ZNF519: variants seen among roughly 807,000 people sequenced by gnomAD.
The protein encoded by ZNF519 is similar to Zinc finger protein 85 (Zinc finger protein HPF4) (HTF1).
ZNF519 carries 7 observed loss-of-function variants against 7.4 expected under a neutral mutation model. The ratio of observed to expected loss-of-function variants is 0.94; its 90% CI spans 0.54 to 1.77. The LOEUF (loss-of-function observed/expected upper bound fraction) is 1.77. ZNF519 is among the 40% of genes most tolerant of loss of function. The probability of loss-of-function intolerance (pLI) is 0.00; values close to 1 mark genes in which losing one functional copy is unlikely to be tolerated. For missense variants in ZNF519, 586 were observed against 623.1 expected, an observed-to-expected ratio of 0.94 and a Z score of 0.63; for synonymous variants, 179 against 203.3, an observed-to-expected ratio of 0.88 and a Z score of 1.02.
At chr18:14,125,169 C>T (rs372868234) in intron 1 of ZNF519, among the ~76,000 whole-genome samples, 5 of 152,208 alleles carry the variant, frequency 3.3e-5, no homozygotes, top group African/African-American at 1.2e-4. Context: ...ACCCTTATCA[C>T]AACACACATA....
At chr18:14,074,131 A>C (rs2046038310), downstream of ZNF519, 1 of 152,256 alleles carries the variant, frequency 6.6e-6, no homozygotes, top group African/African-American at 2.4e-5. Context: ...TGAGGATAGA[A>C]GTGTAGACTG....
At chr18:14,090,249 TGTGTTCAGA>T (rs1169228989) in intron 2 of ZNF519, 3 of 152,184 alleles carry the variant, frequency 2.0e-5, no homozygotes, top group African/African-American at 7.2e-5. Flanking sequence ...AAACGGCACT[TGTGTTCAGA>T]GTGTTCAGAG....
At chr18:14,121,162 T>C (rs535033366) in intron 2 of ZNF519, among the ~76,000 whole-genome samples, 62 of 152,170 alleles carry the variant, frequency 4.1e-4, no homozygotes, top group African/African-American at 1.4e-3. Context: ...AGAAGGGTGG[T>C]TGTTAGTGCC....
Position 14,105,268 on chromosome 18 carries a change from T to C in ZNF519, c.1272A>G (p.Arg424=). The change falls in exon 3 of 3, where the codon AGA becomes AGG. Residue 424 remains arginine, a synonymous_variant. Coordinates refer to ENST00000590202, the MANE Select transcript of ZNF519 (RefSeq NM_145287.4). ...NRASHLTQHQ[R]IHTGEKHFKC... ...TGAAGTGTTTCTCTCCAGTATGGATTCTCTGATGTTGAGTAAGGTGTGAAG... is the reference window on the plus strand; with the variant it reads ...TGAAGTGTTTCTCTCCAGTATGGATCCTCTGATGTTGAGTAAGGTGTGAAG... 1 of 1,613,770 alleles carries C rather than the reference T, an allele frequency of 6.2e-7. No homozygotes were observed. The highest frequency in any genetic ancestry group is 8.5e-7 in the Non-Finnish European group (1 of 1,179,724).
downstream of ZNF519, among the ~76,000 whole-genome samples, chr18:14,099,228 T>C (rs971972623): frequency 1.3e-5 from 2 of 152,098 alleles, no homozygotes; most frequent in Non-Finnish European, 2.9e-5. Context: ...CCCTCCTCAA[T>C]ACTTATCTCT....
chr18:14,115,063 T>C (rs1359070126), intron 2 of ZNF519, among the ~76,000 whole-genome samples: 2 of 152,240 alleles, frequency 1.3e-5, no homozygotes, highest in African/African-American at 4.8e-5. Flanking sequence ...TTGATCACAT[T>C]GCCTTTGTGG....
At chr18:14,128,997 GA>G (rs1275250154) in intron 1 of ZNF519, among the ~76,000 whole-genome samples, 4 of 152,124 alleles carry the variant, frequency 2.6e-5, no homozygotes, top group African/African-American at 9.7e-5. Context: ...GTGTACACAT[GA>G]AAGAGGATTT....
downstream of ZNF519, among the ~76,000 whole-genome samples, chr18:14,097,245 T>C (rs1408274389): frequency 6.6e-6 from 1 of 152,208 alleles, no homozygotes; most frequent in Non-Finnish European, 1.5e-5. Flanking sequence ...GAAGAAAAAG[T>C]TTCTAGTGAT....
chr18:14,122,537 G>A (rs1276264987), intron 2 of ZNF519: 1 of 151,938 alleles, frequency 6.6e-6, no homozygotes, highest in East Asian at 1.9e-4. Context: ...AAAGCAGACA[G>A]ATCATGCAGC....
At chr18:14,109,604 C>T (rs1236277464) in intron 2 of ZNF519, among the ~76,000 whole-genome samples, 1 of 152,026 alleles carries the variant, frequency 6.6e-6, no homozygotes, top group African/African-American at 2.4e-5. Flanking sequence ...CAATATGCTC[C>T]TGAAAGGCCA....
chr18:14,128,461 C>T (rs1392318887), intron 1 of ZNF519, among the ~76,000 whole-genome samples: 1 of 152,042 alleles, frequency 6.6e-6, no homozygotes, highest in Non-Finnish European at 1.5e-5. Context: ...TCATACACAG[C>T]TTATTATAAT....
At chr18:14,112,133 G>T (rs2046224205) in intron 2 of ZNF519, among the ~76,000 whole-genome samples, 1 of 152,098 alleles carries the variant, frequency 6.6e-6, no homozygotes, top group Non-Finnish European at 1.5e-5. Flanking sequence ...TATACCTCAT[G>T]ATCAAGTAGG....
At chr18:14,114,931 G>A (rs1372305109) in intron 2 of ZNF519, among the ~76,000 whole-genome samples, 2 of 151,804 alleles carry the variant, frequency 1.3e-5, no homozygotes, top group Non-Finnish European at 2.9e-5. Context: ...CTACTACTAT[G>A]TACTCACAAA....
At chr18:14,118,328 G>T (rs1326184489) in intron 2 of ZNF519, among the ~76,000 whole-genome samples, 1 of 152,160 alleles carries the variant, frequency 6.6e-6, no homozygotes, top group African/African-American at 2.4e-5. Context: ...AAAGTGCTGG[G>T]ATTACAGGGG....
chr18:14,112,818 C>T (rs2046228385), intron 2 of ZNF519, among the ~76,000 whole-genome samples: 2 of 152,052 alleles, frequency 1.3e-5, no homozygotes, highest in African/African-American at 2.4e-5. Context: ...TAAGAAAAAT[C>T]AGTATTTTTA....
Position 14,132,400 on chromosome 18 carries a change from G to C in ZNF519, c.-123C>G. 1 of 1,279,318 alleles carries C rather than the reference G, an allele frequency of 7.8e-7. No individual in the cohort carries two copies. Among genetic ancestry groups the C allele is most frequent in the Non-Finnish European group, 1.1e-6 (1 of 893,128 alleles). The allele number at this position is 1,279,318 out of a possible 1,614,324, so 79.2% of individuals were successfully genotyped here. A position where few individuals can be genotyped will look rare whatever the true frequency, so the allele number is the denominator to read the frequency against. On this transcript the variant is annotated 5_prime_UTR_variant, in exon 1 of 3. Coordinates refer to ENST00000590202, the MANE Select transcript of ZNF519 (RefSeq NM_145287.4). ...CCCGGAGCAGAGGACACAAGGCAAT[G>C]AAGCCCTAACCCCGCGCTCTGGCTG...
intron 3 of ZNF519, among the ~76,000 whole-genome samples, chr18:14,084,715 C>G (rs1277169400): frequency 6.6e-6 from 1 of 152,136 alleles, no homozygotes; most frequent in African/African-American, 2.4e-5. Context: ...TGGTGCTCCT[C>G]CTCATTGCAC....
intron 2 of ZNF519, among the ~76,000 whole-genome samples, chr18:14,115,993 G>T (rs2143148593): frequency 6.6e-6 from 1 of 152,222 alleles, no homozygotes; most frequent in Middle Eastern, 3.4e-3. Flanking sequence ...TATATGTACA[G>T]GTTTGTTATA....
chr18:14,111,183 A>C (rs1165768762), intron 2 of ZNF519, among the ~76,000 whole-genome samples: 1 of 151,214 alleles, frequency 6.6e-6, no homozygotes, highest in Non-Finnish European at 1.5e-5. Flanking sequence ...AAAAAAAAAA[A>C]AAAAACCTTT....
Sources: allele counts gnomAD v4.1 joint callset (sites outside exome capture counted in the v4.1 genomes callset), GRCh38; gene constraint gnomAD v4.1.1; transcripts MANE v1.5; gene names NCBI Gene and HGNC (gene_info 2026-07-23, HGNC 2026-07-21).